MEF2C: variants seen among roughly 807,000 people sequenced by gnomAD.
MEF2C encodes myocyte enhancer factor 2C.
A neutral mutation model predicts 50.5 loss-of-function variants in MEF2C; 6 were observed. The ratio of observed to expected loss-of-function variants is 0.12; its 90% CI spans 0.07 to 0.23. The LOEUF (loss-of-function observed/expected upper bound fraction) is 0.23. Among genes scored for constraint, MEF2C ranks in the 10% least tolerant of loss-of-function variants. The probability of loss-of-function intolerance (pLI) is 1.00; values close to 1 mark genes in which losing one functional copy is unlikely to be tolerated. For synonymous variants in MEF2C, 183 were observed against 228.0 expected (o/e 0.80, Z 1.78); for missense variants, 276 against 605.0 (o/e 0.46, Z 5.70).
At chr5:88,863,891 G>C (rs139050606) in intron 1 of MEF2C, among the ~76,000 whole-genome samples, 29 of 149,322 alleles carry the variant, frequency 1.9e-4, no homozygotes, top group Non-Finnish European at 3.0e-4. Context: ...GCACCATCTC[G>C]GCTCACTGCA....
chr5:88,823,917 T>A lies in MEF2C; in HGVS notation c.-129A>T. 23 of 1,467,912 alleles carry A rather than the reference T, an allele frequency of 1.6e-5. No homozygotes were observed. The highest frequency in any genetic ancestry group is 2.0e-5 in the Non-Finnish European group (22 of 1,108,018). 90.9% of individuals were successfully genotyped at this position (1,467,912 alleles called of 1,614,324 possible). On this transcript the variant is annotated 5_prime_UTR_variant, in exon 2 of 11. Coordinates refer to ENST00000504921, the MANE Select transcript of MEF2C (RefSeq NM_002397.5). ...TTGCACAGCTCAGTTCCCAAATTCC[T>A]GCATTCGTTCCTGCTGAACAAAAAA...
chr5:88,878,047 A>G (rs1029388680), intron 1 of MEF2C: 1 of 152,016 alleles, frequency 6.6e-6, no homozygotes, highest in African/African-American at 2.4e-5. Flanking sequence ...ACACCCCCTT[A>G]CATTCTTTGA....
chr5:88,732,555 T>C (rs1005668966), intron 6 of MEF2C: 9 of 152,312 alleles, frequency 5.9e-5, no homozygotes, highest in Admixed American at 5.2e-4. Flanking sequence ...TGAAATGAAG[T>C]GATGATGCCT....
chr5:88,828,440 G>A (rs1477851649), intron 1 of MEF2C, among the ~76,000 whole-genome samples: 4 of 151,780 alleles, frequency 2.6e-5, no homozygotes, highest in Non-Finnish European at 5.9e-5. Context: ...CTTTTTGATT[G>A]ACTTACATTT....
intron 1 of MEF2C, among the ~76,000 whole-genome samples, chr5:88,829,471 CAATA>C (rs1812191885): frequency 6.6e-6 from 1 of 152,022 alleles, no homozygotes; most frequent in Non-Finnish European, 1.5e-5. Context: ...GTTTTATCCA[CAATA>C]TATACCCTAG....
chr5:88,895,392 A>T (rs1311163089), intron 1 of MEF2C, among the ~76,000 whole-genome samples: 3 of 152,170 alleles, frequency 2.0e-5, no homozygotes, highest in Non-Finnish European at 2.9e-5. Flanking sequence ...ATTGGATTTC[A>T]TCAGACTTAT....
chr5:88,748,191 A>C (rs1770845642), intron 6 of MEF2C: 20 of 983,572 alleles, frequency 2.0e-5, no homozygotes, highest in Admixed American at 6.1e-5. Flanking sequence ...TATAATTAGC[A>C]GGCTATTCTA....
intron 1 of MEF2C, among the ~76,000 whole-genome samples, chr5:88,860,119 G>C (rs1824983761): frequency 6.6e-6 from 1 of 152,120 alleles, no homozygotes; most frequent in Admixed American, 6.5e-5. Flanking sequence ...TGTTTCACAG[G>C]TAGGAAAGGA....
chr5:88,743,716 G>A (rs1767987572), intron 6 of MEF2C: 1 of 985,234 alleles, frequency 1.0e-6, no homozygotes, highest in Non-Finnish European at 1.2e-6. Context: ...CTTATTCACT[G>A]CTCAATATTT....
In MEF2C at chr5:88,819,313, G is replaced by C. The variant is rs553645970; in HGVS notation, c.54+4422C>G. On this transcript the variant is annotated intron_variant, in intron 2 of 10. Coordinates refer to ENST00000504921, the MANE Select transcript of MEF2C (RefSeq NM_002397.5). ...GTTTCGTGTTGAATATGAGAGATCC[G>C]GGCTCAGATCTTGGTCACTTCCCAG... 5 of 983,024 alleles carry C rather than the reference G, an allele frequency of 5.1e-6. No homozygotes were observed. In the African/African-American group the frequency reaches 7.0e-5, roughly 14 times the overall value. 60.9% of individuals were successfully genotyped at this position (983,024 alleles called of 1,614,324 possible). A position where few individuals can be genotyped will look rare whatever the true frequency, so the allele number is the denominator to read the frequency against.
chr5:88,877,977 T>C (rs1188070286), intron 1 of MEF2C: 1 of 152,054 alleles, frequency 6.6e-6, no homozygotes, highest in Admixed American at 6.6e-5. Context: ...GGAAGAAATG[T>C]GGCTCTTGTG....
At chr5:88,855,688 G>A (rs572864339) in intron 1 of MEF2C, among the ~76,000 whole-genome samples, 1 of 152,276 alleles carries the variant, frequency 6.6e-6, no homozygotes, top group South Asian at 2.1e-4. Context: ...GGTTTTATAA[G>A]TGGCTTCCCC....
At chr5:88,848,084 A>G (rs928294946) in intron 1 of MEF2C, among the ~76,000 whole-genome samples, 7 of 152,204 alleles carry the variant, frequency 4.6e-5, no homozygotes, top group African/African-American at 1.7e-4. Flanking sequence ...ATAAAATGTA[A>G]CTAAAAATCC....
intron 1 of MEF2C, among the ~76,000 whole-genome samples, chr5:88,825,153 T>C (rs916245290): frequency 9.9e-5 from 15 of 151,950 alleles, no homozygotes; most frequent in African/African-American, 3.4e-4. Flanking sequence ...AATAGATTGT[T>C]TGGCTCCAAT....
intron 1 of MEF2C, among the ~76,000 whole-genome samples, chr5:88,891,697 A>G (rs1459414101): frequency 2.0e-5 from 3 of 152,192 alleles, no homozygotes; most frequent in South Asian, 2.1e-4. Flanking sequence ...GGCGTGAACC[A>G]CTGCACCCGG....
intron 4 of MEF2C, among the ~76,000 whole-genome samples, chr5:88,756,320 C>G (rs376307978): frequency 6.6e-6 from 1 of 152,160 alleles, no homozygotes; most frequent in Non-Finnish European, 1.5e-5. Context: ...ACCTTCCCCC[C>G]TTTTGGAGTC....
chr5:88,771,091 A>C (rs1321008336), intron 3 of MEF2C, among the ~76,000 whole-genome samples: 1 of 152,222 alleles, frequency 6.6e-6, no homozygotes, highest in Non-Finnish European at 1.5e-5. Context: ...AAACCATCAC[A>C]TCTCATAAGA....
rs141967433 is a variant in MEF2C at position 88,805,745 on chromosome 5, C to T, written c.55-944G>A. On this transcript the variant is annotated intron_variant, in intron 2 of 10. Coordinates refer to ENST00000504921, the MANE Select transcript of MEF2C (RefSeq NM_002397.5). ...CTACCAAATGCAAAAATACATTTCA[C>T]TCTTCCCAATTTCAACTCTCTTTTA... 1.3e-3 allele frequency among the ~76,000 whole-genome samples: 194 copies of T among 151,258 alleles called. 2 individuals carry two copies. Among genetic ancestry groups the T allele is most frequent in the African/African-American group, 4.4e-3 (179 of 40,958 alleles).
At chr5:88,728,687 AAATAG>A in intron 9 of MEF2C, 59 bp from the exon 10 acceptor site, 2 of 1,185,638 alleles carry the variant, frequency 1.7e-6, no homozygotes, top group Non-Finnish European at 2.2e-6. Flanking sequence ...ATCAAATGGT[AAATAG>A]AATAAACATT....
Sources: allele counts gnomAD v4.1 joint callset (sites outside exome capture counted in the v4.1 genomes callset), GRCh38; gene constraint gnomAD v4.1.1; transcripts MANE v1.5; gene names NCBI Gene and HGNC (gene_info 2026-07-23, HGNC 2026-07-21).